S100A8: variants seen among roughly 807,000 people sequenced by gnomAD.
The protein encoded by S100A8 is S100 calcium binding protein A8.
Under a neutral mutation model 4.2 loss-of-function variants are expected in S100A8, and 1 was observed. The ratio of observed to expected loss-of-function variants is 0.24; its 90% CI spans 0.08 to 1.12. The LOEUF is 1.12. S100A8 is among the 50% of genes most tolerant of loss of function. The pLI, the probability that S100A8 is intolerant of heterozygous loss-of-function variation, is 0.53. For synonymous variants in S100A8, 41 were observed against 44.7 expected (o/e 0.92, Z 0.33); for missense variants, 96 against 111.8 (o/e 0.86, Z 0.64).
At chr1:153,419,658 C>A in the S100A8 span, 1 of 290,840 alleles carries the variant, frequency 3.4e-6, no homozygotes, top group Non-Finnish European at 6.4e-6. Flanking sequence ...CTTGTCAAGG[C>A]ATGGACCAGG....
At chr1:153,411,363 G>A in the S100A8 span, among the ~76,000 whole-genome samples, 2 of 152,178 alleles carry the variant, frequency 1.3e-5, no homozygotes, top group African/African-American at 4.8e-5. Context: ...CAAATCATGA[G>A]TGAACTCCCA....
At chr1:153,410,960 G>T in the S100A8 span, among the ~76,000 whole-genome samples, 1 of 152,094 alleles carries the variant, frequency 6.6e-6, no homozygotes, top group South Asian at 2.1e-4. Flanking sequence ...CAATAAATTC[G>T]GTATTGATGG....
chr1:153,413,964 A>T, the S100A8 span, among the ~76,000 whole-genome samples: 2 of 152,242 alleles, frequency 1.3e-5, no homozygotes, highest in Admixed American at 1.3e-4. Flanking sequence ...TGACTTGCAC[A>T]CTAATCAATA....
chr1:153,399,577 A>G, the S100A8 span, among the ~76,000 whole-genome samples: 1 of 152,252 alleles, frequency 6.6e-6, no homozygotes, highest in East Asian at 1.9e-4. Context: ...ATTCTTGAGT[A>G]CCTACAGTGT....
At chr1:153,422,576 T>G in the S100A8 span, 1 of 978,976 alleles carries the variant, frequency 1.0e-6, no homozygotes, top group Non-Finnish European at 1.2e-6. Flanking sequence ...AATTCTGATA[T>G]CAAAACATTC....
At chr1:153,396,494 G>A in the S100A8 span, 5 of 152,844 alleles carry the variant, frequency 3.3e-5, no homozygotes, top group African/African-American at 1.2e-4. Flanking sequence ...GACACACACA[G>A]ACACACACAG....
upstream of S100A8, among the ~76,000 whole-genome samples, chr1:153,393,264 A>T (rs907915681): frequency 9.2e-5 from 14 of 152,154 alleles, no homozygotes; most frequent in African/African-American, 3.1e-4. Context: ...TCAAGGCAGA[A>T]TTAGTTCTTC....
the S100A8 span, among the ~76,000 whole-genome samples, chr1:153,415,663 G>A: frequency 1.3e-5 from 2 of 150,140 alleles, no homozygotes; most frequent in South Asian, 2.2e-4. Flanking sequence ...AGTGCCATGG[G>A]GCAGGAAAGA....
At chr1:153,418,516 G>A in the S100A8 span, among the ~76,000 whole-genome samples, 1 of 152,136 alleles carries the variant, frequency 6.6e-6, no homozygotes, top group Non-Finnish European at 1.5e-5. Context: ...CTCTCTGTGA[G>A]ACTGAAACTC....
the S100A8 span, among the ~76,000 whole-genome samples, chr1:153,403,554 T>C: frequency 5.3e-5 from 8 of 152,186 alleles, no homozygotes; most frequent in Admixed American, 3.9e-4. Flanking sequence ...GGAGCAATCA[T>C]GTCACATTAA....
chr1:153,406,483 A>G, the S100A8 span, among the ~76,000 whole-genome samples: 25 of 152,152 alleles, frequency 1.6e-4, no homozygotes, highest in Admixed American at 3.9e-4. Flanking sequence ...GGGCCAGAGC[A>G]TTGCTCAAAG....
the S100A8 span, among the ~76,000 whole-genome samples, chr1:153,412,301 A>G: frequency 1.1e-4 from 16 of 152,240 alleles, no homozygotes; most frequent in African/African-American, 3.9e-4. Flanking sequence ...AAAACAAACA[A>G]CCCCATCAAA....
chr1:153,394,710 C>T (rs558315286), upstream of S100A8, among the ~76,000 whole-genome samples: 7 of 152,170 alleles, frequency 4.6e-5, no homozygotes, highest in South Asian at 4.1e-4. Context: ...AGGCCAGGCC[C>T]GGAGCAGCAG....
chr1:153,418,998 C>T, the S100A8 span: 5 of 809,044 alleles, frequency 6.2e-6, no homozygotes, highest in Non-Finnish European at 7.9e-6. Flanking sequence ...ACCCCAACTT[C>T]ACCCACTCAC....
intron 1 of S100A8, 59 bp downstream of exon 1, chr1:153,390,982 C>T: frequency 2.0e-6 from 2 of 987,430 alleles, no homozygotes; most frequent in Non-Finnish European, 1.2e-6. Context: ...TGCTCCACTT[C>T]CCTGACCCTC....
At chr1:153,419,327 G>T in the S100A8 span, 2 of 1,609,848 alleles carry the variant, frequency 1.2e-6, no homozygotes, top group South Asian at 2.2e-5. Context: ...CCACCAAGGG[G>T]CCTCCAGAGA....
the S100A8 span, among the ~76,000 whole-genome samples, chr1:153,409,178 C>T: frequency 6.6e-6 from 1 of 152,134 alleles, no homozygotes; most frequent in South Asian, 2.1e-4. Flanking sequence ...AAGACACAGA[C>T]TGGCAAATTG....
chr1:153,409,586 A>C, the S100A8 span, among the ~76,000 whole-genome samples: 3 of 152,208 alleles, frequency 2.0e-5, no homozygotes, highest in Non-Finnish European at 4.4e-5. Flanking sequence ...GAAAGTTAAC[A>C]AGGATATCCA....
chr1:153,416,577 G>A, the S100A8 span: 1 of 478,732 alleles, frequency 2.1e-6, no homozygotes, highest in Non-Finnish European at 4.2e-6. Flanking sequence ...AGTCTCACCT[G>A]CCTCTTTGCA....
Sources: gnomAD v4.1 joint callset for allele counts (sites outside exome capture counted in the v4.1 genomes callset) on GRCh38, gnomAD v4.1.1 for gene constraint, MANE v1.5 for transcripts, NCBI Gene and HGNC (gene_info 2026-07-23, HGNC 2026-07-21) for gene names.